Variants in ALOX5AP observed in about 807,000 individuals in gnomAD.
ALOX5AP encodes arachidonate 5-lipoxygenase-activating protein.
ALOX5AP carries 9 observed loss-of-function variants against 18.5 expected under a neutral mutation model. The ratio of observed to expected loss-of-function variants is 0.49; its 90% confidence interval spans 0.29 to 0.85. The LOEUF (loss-of-function observed/expected upper bound fraction) is 0.85, where lower values mean the gene tolerates loss of function less well. ALOX5AP is among the 40% of genes least tolerant of loss of function. The pLI, the probability that ALOX5AP is intolerant of heterozygous loss-of-function variation, is 0.08. For synonymous variants in ALOX5AP, 81 were observed against 78.6 expected (o/e 1.03, Z -0.16); for missense variants, 172 against 202.5 (o/e 0.85, Z 0.91).
At chr13:30,745,024 G>A (rs1268188297) in intron 2 of ALOX5AP, among the ~76,000 whole-genome samples, 2 of 152,216 alleles carry the variant, frequency 1.3e-5, no homozygotes, top group East Asian at 3.8e-4. Context: ...AGAATGCCAA[G>A]AATGGTGCAA....
At chr13:30,748,812 T>C (rs4254166) in intron 2 of ALOX5AP, among the ~76,000 whole-genome samples, 69,231 of 152,114 alleles carry the variant, frequency 0.46, 15,950 homozygotes, top group East Asian at 0.62. Context: ...CTGAGGCTCA[T>C]TGAGGCTAGG....
At chr13:30,744,813 T>C (rs902816301) in intron 2 of ALOX5AP, among the ~76,000 whole-genome samples, 5 of 152,214 alleles carry the variant, frequency 3.3e-5, no homozygotes, top group Admixed American at 6.5e-5. Flanking sequence ...CTCTTCTTTA[T>C]GCAGAGTGTA....
At chr13:30,746,751 C>T (rs944699558) in intron 2 of ALOX5AP, among the ~76,000 whole-genome samples, 1 of 152,252 alleles carries the variant, frequency 6.6e-6, no homozygotes, top group Admixed American at 6.5e-5. Context: ...AAAAGTAAGA[C>T]ATGAAGCTTT....
At chr13:30,739,177 C>A (rs1408194644) in intron 1 of ALOX5AP, among the ~76,000 whole-genome samples, 4 of 152,226 alleles carry the variant, frequency 2.6e-5, no homozygotes, top group African/African-American at 9.6e-5. Context: ...CCTATTGTTG[C>A]ATGGATTGAA....
chr13:30,716,997 C>G lies in ALOX5AP; in HGVS notation c.116+3156C>G, dbSNP rs559034495. On this transcript the variant is annotated intron_variant, in intron 1 of 5. Transcript: ENST00000617770. Reference sequence around the variant, plus strand: ...CAGGGAGTGTTCCCCACCAGGGAAGCCTTGGTGTCCAGGGTCTTTACTGTG... The same window carrying G: ...CAGGGAGTGTTCCCCACCAGGGAAGGCTTGGTGTCCAGGGTCTTTACTGTG... 3.3e-5 allele frequency among the ~76,000 whole-genome samples: 5 copies of G among 152,340 alleles called. No homozygotes were observed. The East Asian group carries it at 5.8e-4, about 18-fold the overall frequency.
chr13:30,750,178 G>T (rs1376751683), intron 2 of ALOX5AP, among the ~76,000 whole-genome samples: 1 of 152,136 alleles, frequency 6.6e-6, no homozygotes, highest in South Asian at 2.1e-4. Context: ...CCGAGAGCAT[G>T]CCTGGAGAAC....
At chr13:30,737,888 G>C (rs1415723780) in intron 1 of ALOX5AP, among the ~76,000 whole-genome samples, 1 of 152,148 alleles carries the variant, frequency 6.6e-6, no homozygotes, top group African/African-American at 2.4e-5. Context: ...ACAACTATTT[G>C]TTTTTAACTG....
chr13:30,738,207 TC>T (rs1432307548), intron 1 of ALOX5AP, among the ~76,000 whole-genome samples: 1 of 152,198 alleles, frequency 6.6e-6, no homozygotes, highest in Non-Finnish European at 1.5e-5. Flanking sequence ...AGCCTGATTT[TC>T]TGTGATTGGG....
At chr13:30,757,428 T>TA (rs1249548045) in intron 4 of ALOX5AP, among the ~76,000 whole-genome samples, 2 of 152,196 alleles carry the variant, frequency 1.3e-5, no homozygotes, top group African/African-American at 4.8e-5. Flanking sequence ...ATTTATCCTC[T>TA]AAAACCACAA....
intron 1 of ALOX5AP, among the ~76,000 whole-genome samples, chr13:30,729,356 T>G (rs1951662918): frequency 6.6e-6 from 1 of 152,214 alleles, no homozygotes; most frequent in Non-Finnish European, 1.5e-5. Flanking sequence ...TCCATAAGAA[T>G]GTACAGTTGT....
intron 2 of ALOX5AP, among the ~76,000 whole-genome samples, chr13:30,749,052 C>A (rs1334763254): frequency 6.6e-6 from 1 of 152,146 alleles, no homozygotes; most frequent in Non-Finnish European, 1.5e-5. Flanking sequence ...TGAGCCAGAG[C>A]CAGGAACAAG....
intron 1 of ALOX5AP, among the ~76,000 whole-genome samples, chr13:30,724,160 T>C (rs1349259437): frequency 6.6e-6 from 1 of 152,202 alleles, no homozygotes; most frequent in Non-Finnish European, 1.5e-5. Flanking sequence ...TGTACTTATC[T>C]TTTCTAGTGT....
intron 2 of ALOX5AP, 101 bp from the exon 3 acceptor site, chr13:30,751,951 G>C: frequency 8.8e-7 from 1 of 1,129,976 alleles, no homozygotes; most frequent in Non-Finnish European, 1.3e-6. Flanking sequence ...TATGTTTCAT[G>C]CACGATGGTG....
At chr13:30,724,913 C>T (rs1408502903) in intron 1 of ALOX5AP, among the ~76,000 whole-genome samples, 2 of 152,218 alleles carry the variant, frequency 1.3e-5, no homozygotes. Context: ...GACTGCTTCC[C>T]CTCAGTCTGC....
At chr13:30,732,305 G>A (rs1197023325), upstream of ALOX5AP, among the ~76,000 whole-genome samples, 1 of 152,226 alleles carries the variant, frequency 6.6e-6, no homozygotes, top group Non-Finnish European at 1.5e-5. Context: ...GAGCCCGGAA[G>A]GTTTCCAGTG....
intron 1 of ALOX5AP, chr13:30,713,979 G>A: frequency 1.1e-6 from 1 of 892,472 alleles, no homozygotes. Flanking sequence ...GGCAGCTAGA[G>A]TGGCCCCAGG....
intron 1 of ALOX5AP, among the ~76,000 whole-genome samples, chr13:30,723,401 A>G: frequency 6.6e-6 from 1 of 152,240 alleles, no homozygotes; most frequent in African/African-American, 2.4e-5. Flanking sequence ...TGTCATAGAT[A>G]TCTGGTCACC....
At chr13:30,756,936 C>T (rs1485978077) in intron 4 of ALOX5AP, among the ~76,000 whole-genome samples, 2 of 151,846 alleles carry the variant, frequency 1.3e-5, no homozygotes, top group Non-Finnish European at 2.9e-5. Context: ...CAGTACCTTC[C>T]TGACATCTGG....
chr13:30,726,308 G>A (rs1951639206), intron 1 of ALOX5AP, among the ~76,000 whole-genome samples: 1 of 152,142 alleles, frequency 6.6e-6, no homozygotes, highest in African/African-American at 2.4e-5. Flanking sequence ...TGAGGGTGAG[G>A]AGTATGTACT....
Sources: gnomAD v4.1 joint callset for allele counts (sites outside exome capture counted in the v4.1 genomes callset) on GRCh38, gnomAD v4.1.1 for gene constraint, MANE v1.5 for transcripts, NCBI Gene and HGNC (gene_info 2026-07-23, HGNC 2026-07-21) for gene names.